Variants in DMD observed in about 807,000 individuals in gnomAD.
DMD encodes the protein dystrophin.
Under a neutral mutation model 330.1 loss-of-function variants are expected in DMD, and 63 were observed. The observed-to-expected ratio is 0.19, with a 90% CI of 0.16 to 0.24. The LOEUF (loss-of-function observed/expected upper bound fraction) is 0.24. DMD is among the 10% of genes least tolerant of loss of function. The probability of loss-of-function intolerance (pLI) is 1.00; values close to 1 mark genes in which losing one functional copy is unlikely to be tolerated. For synonymous variants in DMD, 1,223 were observed against 959.8 expected (o/e 1.27, Z -5.07); for missense variants, 3,344 against 2,684.1 (o/e 1.25, Z -5.43).
At chrX:32,042,566 G>C (rs1477757134) in intron 44 of DMD, among the ~76,000 whole-genome samples, 1 of 111,612 alleles carries the variant, frequency 9.0e-6, no homozygotes, top group African/African-American at 3.3e-5. Context: ...AATGAGATTT[G>C]AGTGGGGACA....
chrX:31,910,762 A>C (rs1569509602), intron 47 of DMD, among the ~76,000 whole-genome samples: 1 of 111,807 alleles, frequency 8.9e-6, no homozygotes, highest in African/African-American at 3.3e-5. Flanking sequence ...AGACTTTCTA[A>C]GTGGACCAGG....
intron 4 of DMD, among the ~76,000 whole-genome samples, chrX:32,827,065 C>CCCCCCCA (rs767139724): frequency 1.5e-5 from 1 of 68,959 alleles, no homozygotes; most frequent in Non-Finnish European, 2.6e-5. Flanking sequence ...CACCCCCCCC[C>CCCCCCCA]CACACACACA....
intron 2 of DMD, among the ~76,000 whole-genome samples, chrX:32,921,534 T>C (rs1212319923): frequency 1.8e-5 from 2 of 111,496 alleles, no homozygotes; most frequent in South Asian, 3.8e-4. Context: ...TGAACTGATA[T>C]ACGTGGCCAT....
At chrX:31,387,752 A>G (rs1201798312) in intron 60 of DMD, among the ~76,000 whole-genome samples, 1 of 110,766 alleles carries the variant, frequency 9.0e-6, no homozygotes, top group Non-Finnish European at 1.9e-5. Flanking sequence ...AGGACTTTTT[A>G]TGTGTTGCCC....
intron 54 of DMD, among the ~76,000 whole-genome samples, chrX:31,635,404 A>T (rs1194403365): frequency 8.9e-6 from 1 of 111,902 alleles, no homozygotes; most frequent in Non-Finnish European, 1.9e-5. Flanking sequence ...TCTCTTACAA[A>T]CCTGATAAGA....
chrX:32,503,364 T>A (rs1348650752), intron 18 of DMD, among the ~76,000 whole-genome samples: 1 of 112,071 alleles, frequency 8.9e-6, no homozygotes, highest in Non-Finnish European at 1.9e-5. Context: ...TACTCCAGCC[T>A]GGGCGACAGA....
intron 7 of DMD, among the ~76,000 whole-genome samples, chrX:32,745,016 A>C (rs910910093): frequency 4.5e-5 from 5 of 111,625 alleles, no homozygotes; most frequent in Non-Finnish European, 7.5e-5. Context: ...TGATACCTAC[A>C]CAACAACTGT....
intron 2 of DMD, among the ~76,000 whole-genome samples, chrX:32,881,113 G>GTC (rs1222587356): frequency 4.4e-5 from 5 of 112,504 alleles, no homozygotes; most frequent in Non-Finnish European, 7.5e-5. Context: ...ACCAGAGTAA[G>GTC]TACAGCTAGG....
In DMD at chrX:32,806,328, T is replaced by TA. The variant is rs200644852; in HGVS notation, c.649+3164dup. On this transcript the variant is annotated intron_variant, in intron 7 of 78. Coordinates refer to ENST00000357033, the MANE Select transcript of DMD (RefSeq NM_004006.3). The stretch of plus-strand genomic sequence containing the variant: ...AATAGACTTTAAACTAACAAAGATT[T>TA]AAAAAAAACAAAAAAAGACAAAGAA... 9.1e-3 allele frequency among the ~76,000 whole-genome samples: 979 copies of TA among 107,676 alleles called. 16 individuals are homozygous for TA. Among genetic ancestry groups the TA allele is most frequent in the African/African-American group, 0.031 (887 of 28,171 alleles). 93.5% of individuals were successfully genotyped at this position (107,676 alleles called of 115,157 possible). A position where few individuals can be genotyped will look rare whatever the true frequency, so the allele number is the denominator to read the frequency against.
chrX:31,456,860 G>GTA (rs1429426627), intron 59 of DMD, among the ~76,000 whole-genome samples: 1 of 99,920 alleles, frequency 1.0e-5, no homozygotes, highest in African/African-American at 3.8e-5. Context: ...GTGTGTGTGT[G>GTA]TGTGTGTGTG....
Position 32,570,650 on chromosome X carries a change from G to A in DMD, c.1812+2880C>T, listed in dbSNP as rs1363516522. ...TGGACCTGAGTCTGGATGTCTTAGT[G>A]TTCATTTTAAGTCTGATACTAATGT... On this transcript the variant is annotated intron_variant, in intron 15 of 78. Coordinates refer to ENST00000357033, the MANE Select transcript of DMD (RefSeq NM_004006.3). Among the ~76,000 whole-genome samples, 5 of 111,492 alleles carry A rather than the reference G, an allele frequency of 4.5e-5. No homozygotes were observed. In the East Asian group the frequency reaches 1.1e-3, roughly 25 times the overall value.
intron 51 of DMD, among the ~76,000 whole-genome samples, chrX:31,772,771 T>C (rs914669309): frequency 2.7e-5 from 3 of 112,053 alleles, no homozygotes; most frequent in African/African-American, 9.7e-5. Flanking sequence ...AAAATGTGGC[T>C]ATAATTACTT....
chrX:32,141,678 A>AACAC lies in DMD; in HGVS notation c.6438+75234_6438+75237dup, dbSNP rs56858722. 5.5e-3 allele frequency among the ~76,000 whole-genome samples: 488 copies of AACAC among 88,100 alleles called. 2 individuals carry two copies. Among genetic ancestry groups the AACAC allele is most frequent in the South Asian group, 8.8e-3 (13 of 1,470 alleles). The allele number at this position is 88,100 out of a possible 115,157, so 76.5% of individuals were successfully genotyped here. A position where few individuals can be genotyped will look rare whatever the true frequency, so the allele number is the denominator to read the frequency against. Reference sequence around the variant, plus strand: ...CAGAATTCAATATAATATAGAGTGCAACACACACACACACACACACACACA... The same window carrying AACAC: ...CAGAATTCAATATAATATAGAGTGCAACACACACACACACACACACACACACACA... On this transcript the variant is annotated intron_variant, in intron 44 of 78. Transcript: ENST00000357033.
At chrX:31,185,774 G>GT (rs58100460) in intron 67 of DMD, among the ~76,000 whole-genome samples, 11,862 of 99,951 alleles carry the variant, frequency 0.12, 577 homozygotes, top group African/African-American at 0.15. Flanking sequence ...TATGTTTTTT[G>GT]TTTTTTTTTT....
intron 7 of DMD, among the ~76,000 whole-genome samples, chrX:32,805,089 G>A (rs1187435768): frequency 9.0e-6 from 1 of 111,546 alleles, no homozygotes; most frequent in African/African-American, 3.3e-5. Context: ...CACCAAACAA[G>A]AGAACAAAAC....
In DMD at chrX:31,298,410, T is replaced by TAC. The variant is rs35043650; in HGVS notation, c.9224+25186_9224+25187dup. 4.4e-3 allele frequency among the ~76,000 whole-genome samples: 431 copies of TAC among 97,846 alleles called. 3 individuals carry two copies. Among genetic ancestry groups the TAC allele is most frequent in the Admixed American group, 7.0e-3 (65 of 9,262 alleles). 85.0% of individuals were successfully genotyped at this position (97,846 alleles called of 115,157 possible). ...ATTCAAACACACACACACACACACA[T>TAC]ACACACACACACACACACACATACA... On this transcript the variant is annotated intron_variant, in intron 62 of 78. Coordinates refer to ENST00000357033, the MANE Select transcript of DMD (RefSeq NM_004006.3).
At chrX:32,821,236 G>A (rs1233878400) in intron 5 of DMD, among the ~76,000 whole-genome samples, 1 of 111,245 alleles carries the variant, frequency 9.0e-6, no homozygotes, top group Non-Finnish European at 1.9e-5. Flanking sequence ...AATTTAATAG[G>A]TACTCTTTGT....
intron 2 of DMD, among the ~76,000 whole-genome samples, chrX:32,865,566 C>T (rs1388958129): frequency 8.9e-6 from 1 of 112,188 alleles, no homozygotes; most frequent in Non-Finnish European, 1.9e-5. Flanking sequence ...GAACATGAGA[C>T]TAGAGAGGTA....
chrX:33,050,071 G>GT (rs201390256), intron 1 of DMD, among the ~76,000 whole-genome samples: 104 of 109,777 alleles, frequency 9.5e-4, no homozygotes, highest in African/African-American at 3.0e-3. Context: ...AATTGGTTTA[G>GT]TTTTTTTTTC....
Sources: allele counts gnomAD v4.1 joint callset (sites outside exome capture counted in the v4.1 genomes callset), GRCh38; gene constraint gnomAD v4.1.1; transcripts MANE v1.5; gene names NCBI Gene and HGNC (gene_info 2026-07-23, HGNC 2026-07-21).